The following PI4KA variants were observed in gnomAD, a reference collection of about 807,000 sequenced individuals.
The protein encoded by PI4KA is PI4-kinase alpha.
A neutral mutation model predicts 271.4 loss-of-function variants in PI4KA; 122 were observed. The observed-to-expected ratio is 0.45, with a 90% CI of 0.39 to 0.52. The LOEUF is 0.52. Among genes scored for constraint, PI4KA ranks in the 20% least tolerant of loss-of-function variants. The pLI is 0.00. For missense variants in PI4KA, 1,969 were observed against 2,769.1 expected (o/e 0.71, Z 6.48); for synonymous variants, 1,041 against 1,078.8 (o/e 0.96, Z 0.69).
chr22:20,857,945 G>A (rs1927811217), intron 1 of PI4KA, among the ~76,000 whole-genome samples: 1 of 152,110 alleles, frequency 6.6e-6, no homozygotes, highest in Non-Finnish European at 1.5e-5. Context: ...CCCACTGACA[G>A]TTCACTCTCC....
chr22:20,722,056 C>T (rs1926798932), intron 42 of PI4KA: 1 of 152,316 alleles, frequency 6.6e-6, no homozygotes, highest in African/African-American at 2.4e-5. Flanking sequence ...CTCTCTTTCG[C>T]TTGCTGCCAG....
intron 51 of PI4KA, 39 bp from the exon 52 acceptor site, chr22:20,710,897 G>A (rs768033182): frequency 3.7e-6 from 6 of 1,607,216 alleles, no homozygotes; most frequent in Non-Finnish European, 5.1e-6. Context: ...CTGGGTAGGA[G>A]CCAGGGCGGG....
At chr22:20,793,140 A>T in intron 19 of PI4KA, 53 bp downstream of exon 19, 1 of 1,065,700 alleles carries the variant, frequency 9.4e-7, no homozygotes, top group Non-Finnish European at 1.5e-6. Flanking sequence ...GGCAACACTT[A>T]AAGCATGAAC....
chr22:20,821,129 C>A (rs1922600384), intron 4 of PI4KA, among the ~76,000 whole-genome samples: 1 of 152,246 alleles, frequency 6.6e-6, no homozygotes, highest in Non-Finnish European at 1.5e-5. Flanking sequence ...ACAGATTCTA[C>A]ACTTCTATGT....
intron 1 of PI4KA, among the ~76,000 whole-genome samples, chr22:20,855,761 AC>A (rs1927516472): frequency 6.6e-6 from 1 of 152,206 alleles, no homozygotes; most frequent in Non-Finnish European, 1.5e-5. Flanking sequence ...TTTATGCACC[AC>A]CAGCCTAGCC....
At chr22:20,779,855 G>C in intron 19 of PI4KA, 1 of 1,614,194 alleles carries the variant, frequency 6.2e-7, no homozygotes, top group African/African-American at 1.3e-5. Context: ...ACTCGATTTT[G>C]CATTTTAAAG....
Position 20,819,718 on chromosome 22 carries a change from G to T in PI4KA, c.712C>A (p.Leu238Ile). The T allele has an allele frequency of 6.2e-7, 1 of 1,613,948 alleles. No homozygotes were observed. The highest frequency in any genetic ancestry group is 8.5e-7 in the Non-Finnish European group (1 of 1,179,900). Reference protein sequence around the residue: ...RRSFNDFRSILPSNLLTVCQE... With the variant: ...RRSFNDFRSIIPSNLLTVCQE... Reference sequence around the variant, plus strand: ...CAGACAGTCAGCAGATTGCTGGGGAGGATGGAGCGGAAGTCATTAAAGGAA... The same window carrying T: ...CAGACAGTCAGCAGATTGCTGGGGATGATGGAGCGGAAGTCATTAAAGGAA... The change falls in exon 6 of 55, where the codon CTC becomes ATC. Residue 238 changes from leucine (L) to isoleucine (I), a missense_variant. Coordinates refer to ENST00000255882, the MANE Select transcript of PI4KA (RefSeq NM_058004.4).
At chr22:20,794,309 C>G (rs1347087631) in intron 18 of PI4KA, among the ~76,000 whole-genome samples, 1 of 152,184 alleles carries the variant, frequency 6.6e-6, no homozygotes, top group East Asian at 1.9e-4. Context: ...CAGGGGAGAG[C>G]AGGCTCCTGA....
intron 18 of PI4KA, 114 bp from the exon 19 acceptor site, chr22:20,793,357 A>T: frequency 1.5e-6 from 1 of 649,468 alleles, no homozygotes; most frequent in Non-Finnish European, 2.8e-6. Flanking sequence ...AATCTAAGAG[A>T]AATGATGAGA....
intron 15 of PI4KA, 90 bp downstream of exon 15, chr22:20,799,581 C>T: frequency 2.2e-6 from 2 of 899,038 alleles, no homozygotes; most frequent in Non-Finnish European, 1.8e-6. Context: ...GAGATAAGGA[C>T]AGAGGCATGC....
chr22:20,727,303 T>G lies in PI4KA; in HGVS notation c.4868A>C (p.Tyr1623Ser). The change falls in exon 41 of 55, where the codon TAC (tyrosine) becomes TCC (serine). Residue 1623 changes from tyrosine (Y) to serine (S), a missense_variant. Tyr to Ser is a moderately radical substitution (Grantham distance 144). Around this residue, in one of 13 missense-constraint regions of PI4KA, gnomAD observed 388 missense variants for 521.5 expected, o/e 0.74. Coordinates refer to ENST00000255882, the MANE Select transcript of PI4KA (RefSeq NM_058004.4). ...APTDPPTGLS[Y>S]FSSMYPPHPL... is the part of the protein sequence containing the mutation. ...GTGCGGCGGGTACATGCTGGAGAAG[T>G]AGGAGAGGCCTGTGGGTGGGTCCGT... The G allele has an allele frequency of 1.2e-6, 2 of 1,612,542 alleles. No individual in the cohort carries two copies. The highest frequency in any genetic ancestry group is 1.7e-6 in the Non-Finnish European group (2 of 1,179,746).
chr22:20,780,652 T>G (rs1479779929), intron 19 of PI4KA, among the ~76,000 whole-genome samples: 2 of 151,676 alleles, frequency 1.3e-5, no homozygotes, highest in African/African-American at 4.9e-5. Context: ...GGTGGGTGCC[T>G]GTACTCCCAG....
intron 1 of PI4KA, among the ~76,000 whole-genome samples, chr22:20,843,020 C>G (rs1449861066): frequency 6.6e-6 from 1 of 151,500 alleles, no homozygotes; most frequent in Non-Finnish European, 1.5e-5. Flanking sequence ...ATGGCGTGAA[C>G]CCGGGAGGCA....
intron 19 of PI4KA, chr22:20,787,722 ATC>A (rs1404485585): frequency 1.3e-5 from 2 of 156,476 alleles, no homozygotes; most frequent in African/African-American, 4.8e-5. Context: ...TTTACTGTGT[ATC>A]TGTTATAATT....
Position 20,759,402 on chromosome 22 carries a change from C to CTTTTTTTTTTTTTTTTTTTTTTTTTTTTT in PI4KA, c.2791+1901_2791+1902insAAAAAAAAAAAAAAAAAAAAAAAAAAAAA, listed in dbSNP as rs886192073. On this transcript the variant is annotated intron_variant, in intron 23 of 54. Transcript: ENST00000255882. ...TTGATTTTTCTTTTTCTTTTCTTTTCTTTTTTTTTTTTTTTTTTTTTGAGA... is the reference window on the plus strand; with the variant it reads ...TTGATTTTTCTTTTTCTTTTCTTTTCTTTTTTTTTTTTTTTTTTTTTTTTTTTTTTTTTTTTTTTTTTTTTTTTTTGAGA... Among the ~76,000 whole-genome samples, 64 of 102,882 alleles carry CTTTTTTTTTTTTTTTTTTTTTTTTTTTTT rather than the reference C, an allele frequency of 6.2e-4. 1 individual carries two copies. The highest frequency in any genetic ancestry group is 9.9e-4 in the Non-Finnish European group (51 of 51,314). The allele number at this position is 102,882 out of a possible 152,430, so 67.5% of individuals were successfully genotyped here.
At chr22:20,844,637 GAC>G (rs1195856554) in intron 1 of PI4KA, among the ~76,000 whole-genome samples, 2 of 152,184 alleles carry the variant, frequency 1.3e-5, no homozygotes, top group South Asian at 2.1e-4. Flanking sequence ...TTATTAGAAA[GAC>G]ATCTGAAAAC....
At chr22:20,784,957 G>A (rs1934095679) in intron 19 of PI4KA, among the ~76,000 whole-genome samples, 1 of 152,074 alleles carries the variant, frequency 6.6e-6, no homozygotes, top group Non-Finnish European at 1.5e-5. Flanking sequence ...GTATTTGCCC[G>A]GGTAGCCAGT....
intron 32 of PI4KA, among the ~76,000 whole-genome samples, chr22:20,739,593 C>A (rs1234486705): frequency 6.6e-6 from 1 of 151,132 alleles, no homozygotes; most frequent in Non-Finnish European, 1.5e-5. Flanking sequence ...CAAAAACTTT[C>A]AAACATTGAA....
intron 19 of PI4KA, among the ~76,000 whole-genome samples, chr22:20,774,464 G>T (rs918538215): frequency 6.6e-6 from 1 of 152,154 alleles, no homozygotes; most frequent in Non-Finnish European, 1.5e-5. Flanking sequence ...TGAAGTATTA[G>T]TATTAAAGGT....
Sources: gnomAD v4.1 joint callset for allele counts (sites outside exome capture counted in the v4.1 genomes callset) on GRCh38, gnomAD v4.1.1 for gene constraint, gnomAD v4.1.1 regional missense constraint, MANE v1.5 for transcripts, NCBI Gene and HGNC (gene_info 2026-07-23, HGNC 2026-07-21) for gene names.